CNKSR2: variants seen among roughly 807,000 people sequenced by gnomAD.
CNKSR2 encodes CNK homolog protein 2.
Under a neutral mutation model 84.4 loss-of-function variants are expected in CNKSR2, and 14 were observed. That is an observed-to-expected ratio of 0.17 (90% confidence interval 0.11 to 0.26). The LOEUF (loss-of-function observed/expected upper bound fraction) is 0.26, where lower values mean the gene tolerates loss of function less well. CNKSR2 is among the 10% of genes least tolerant of loss of function. CNKSR2 has a pLI of 1.00. For missense variants in CNKSR2, 485 were observed against 771.2 expected, an observed-to-expected ratio of 0.63 and a Z score of 4.40; for synonymous variants, 275 against 277.9, an observed-to-expected ratio of 0.99 and a Z score of 0.10.
At chrX:21,404,611 A>T (rs1485817065) in intron 1 of CNKSR2, among the ~76,000 whole-genome samples, 1 of 108,589 alleles carries the variant, frequency 9.2e-6, no homozygotes, top group Admixed American at 1.0e-4. Flanking sequence ...CAAAATGGTG[A>T]AACCCTGTCT....
intron 11 of CNKSR2, among the ~76,000 whole-genome samples, chrX:21,558,976 A>T (rs2092163715): frequency 9.0e-6 from 1 of 111,141 alleles, no homozygotes; most frequent in African/African-American, 3.3e-5. Flanking sequence ...CTAAAACCAG[A>T]TCCTAAAGAA....
intron 20 of CNKSR2, among the ~76,000 whole-genome samples, chrX:21,639,509 A>G (rs1028573337): frequency 7.1e-5 from 8 of 111,934 alleles, no homozygotes; most frequent in Admixed American, 5.7e-4. Flanking sequence ...AGTTCTAAAA[A>G]ATTTATTTAA....
At chrX:21,418,802 A>G (rs923007756) in intron 1 of CNKSR2, among the ~76,000 whole-genome samples, 2 of 111,341 alleles carry the variant, frequency 1.8e-5, no homozygotes, top group Non-Finnish European at 1.9e-5. Context: ...CAGTATGACA[A>G]TTGTGTTTTT....
At chrX:21,478,943 T>A (rs2091287344) in intron 5 of CNKSR2, among the ~76,000 whole-genome samples, 1 of 111,559 alleles carries the variant, frequency 9.0e-6, no homozygotes, top group South Asian at 3.8e-4. Context: ...AGGCACATAT[T>A]CAGTTTTGAT....
intron 19 of CNKSR2, among the ~76,000 whole-genome samples, chrX:21,607,639 A>G (rs2092525873): frequency 9.0e-6 from 1 of 110,860 alleles, no homozygotes; most frequent in East Asian, 2.8e-4. Context: ...CCCCATCTCT[A>G]CTAAAAATAC....
intron 8 of CNKSR2, chrX:21,503,364 T>C: frequency 6.8e-6 from 2 of 293,654 alleles, no homozygotes; most frequent in Non-Finnish European, 1.2e-5. Context: ...TCTGTTTACC[T>C]TTTTCTAATG....
intron 1 of CNKSR2, among the ~76,000 whole-genome samples, chrX:21,415,833 TACACACACACACACAC>T (rs559013925): frequency 3.4e-5 from 3 of 88,211 alleles, no homozygotes; most frequent in Non-Finnish European, 4.3e-5. Flanking sequence ...TATACATATA[TACACACACACACACAC>T]ACACACACAC....
chrX:21,377,721 G>A (rs2089839478), intron 1 of CNKSR2, among the ~76,000 whole-genome samples: 1 of 111,252 alleles, frequency 9.0e-6, no homozygotes, highest in African/African-American at 3.3e-5. Flanking sequence ...ATCGCTAAGT[G>A]TGTAAGAATA....
At position 21,615,963 on chromosome X, in the gene CNKSR2, C is replaced by T. The variant is rs1480818557; in HGVS notation, c.2692+6346C>T. Among the ~76,000 whole-genome samples, 4 of 111,930 alleles carry T rather than the reference C, an allele frequency of 3.6e-5. No homozygotes were observed. In the East Asian group the frequency reaches 1.1e-3, roughly 31 times the overall value. On this transcript the variant is annotated intron_variant, in intron 20 of 21. Coordinates refer to ENST00000379510, the MANE Select transcript of CNKSR2 (RefSeq NM_014927.5). Reference sequence around the variant, plus strand: ...TTCACATTCCTATCACTCACTACTCCTTTCCTTTTTGACTTTGGACATTTG... The same window carrying T: ...TTCACATTCCTATCACTCACTACTCTTTTCCTTTTTGACTTTGGACATTTG...
chrX:21,374,772 G>A lies in CNKSR2; in HGVS notation c.-126G>A, dbSNP rs185669637. The A allele has an allele frequency of 2.8e-3, 1,670 of 591,872 alleles. 18 individuals are homozygous for A. Among genetic ancestry groups the A allele is most frequent in the African/African-American group, 0.027 (1,232 of 44,826 alleles). The allele number at this position is 591,872 out of a possible 1,213,427, so 48.8% of individuals were successfully genotyped here. A position where few individuals can be genotyped will look rare whatever the true frequency, so the allele number is the denominator to read the frequency against. On this transcript the variant is annotated 5_prime_UTR_variant, in exon 1 of 22. Coordinates refer to ENST00000379510, the MANE Select transcript of CNKSR2 (RefSeq NM_014927.5). ...CCGCGAGACCCGACACACAAAAGCC[G>A]CTTTCTCCGCGCCGCCCGCCCAGGG...
Position 21,601,292 on chromosome X carries a change from A to G in CNKSR2, c.1987A>G (p.Arg663Gly). The G allele has an allele frequency of 8.6e-7, 1 of 1,163,138 alleles. No homozygotes were observed. The highest frequency in any genetic ancestry group is 1.2e-6 in the Non-Finnish European group (1 of 856,073). The change falls in exon 18 of 22, where the codon AGA (arginine) becomes GGA (glycine). Residue 663 changes from arginine to glycine, a missense_variant. Coordinates refer to ENST00000379510, the MANE Select transcript of CNKSR2 (RefSeq NM_014927.5). Reference protein sequence around the residue: ...HLDDMNRWLNRINMLTAGYAE... With the variant: ...HLDDMNRWLNGINMLTAGYAE... Reference sequence around the variant, plus strand: ...TATTTGTTTTCTCAGGTGGCTTAACAGAATTAATATGCTGACTGCAGGATA... The same window carrying G: ...TATTTGTTTTCTCAGGTGGCTTAACGGAATTAATATGCTGACTGCAGGATA...
rs1468526608 is a variant in CNKSR2 at position 21,375,903 on chromosome X, G to A, written c.64+942G>A. 2.7e-5 allele frequency among the ~76,000 whole-genome samples: 3 copies of A among 111,521 alleles called. No homozygotes were observed. In the East Asian group the frequency reaches 8.4e-4, roughly 31 times the overall value. On this transcript the variant is annotated intron_variant, in intron 1 of 21. Transcript: ENST00000379510. ...TGTTGTCTGAGTTAAGGGGCTTGTA[G>A]AGGACTCCCCCACCCACCAACCCCT...
chrX:21,500,257 A>T (rs2091545549), intron 7 of CNKSR2, among the ~76,000 whole-genome samples: 1 of 111,260 alleles, frequency 9.0e-6, no homozygotes, highest in East Asian at 2.8e-4. Context: ...TATGACAAAT[A>T]ATTTTATTGT....
intron 13 of CNKSR2, among the ~76,000 whole-genome samples, chrX:21,576,680 C>A (rs2092321020): frequency 9.0e-6 from 1 of 111,166 alleles, no homozygotes; most frequent in Admixed American, 9.6e-5. Flanking sequence ...ATCACTACAA[C>A]CCTCATAGAC....
At chrX:21,488,087 C>T (rs2091403929) in intron 5 of CNKSR2, among the ~76,000 whole-genome samples, 1 of 111,920 alleles carries the variant, frequency 8.9e-6, no homozygotes, top group Non-Finnish European at 1.9e-5. Context: ...GCATTGAGAC[C>T]TGAGCGTCAG....
At chrX:21,608,957 G>T in intron 19 of CNKSR2, 114 bp from the exon 20 acceptor site, 2 of 1,037,463 alleles carry the variant, frequency 1.9e-6, no homozygotes, top group South Asian at 5.9e-5. Flanking sequence ...TCATTAACAT[G>T]ACTACGTAAG....
chrX:21,584,795 G>C (rs937618283), intron 13 of CNKSR2, among the ~76,000 whole-genome samples: 4 of 111,437 alleles, frequency 3.6e-5, no homozygotes, highest in African/African-American at 1.3e-4. Context: ...GTAGGCAAAG[G>C]TAACAGGGGA....
At chrX:21,381,603 C>T (rs1026002599) in intron 1 of CNKSR2, among the ~76,000 whole-genome samples, 4 of 112,029 alleles carry the variant, frequency 3.6e-5, no homozygotes, top group African/African-American at 1.3e-4. Flanking sequence ...AATTTAATGA[C>T]TTCTCATTGT....
At chrX:21,575,879 C>A (rs984018660) in intron 13 of CNKSR2, among the ~76,000 whole-genome samples, 1 of 112,349 alleles carries the variant, frequency 8.9e-6, no homozygotes, top group African/African-American at 3.2e-5. Context: ...AGGTTCAATT[C>A]ACTAAGAAGA....
Sources: gnomAD v4.1 joint callset for allele counts (sites outside exome capture counted in the v4.1 genomes callset) on GRCh38, gnomAD v4.1.1 for gene constraint, MANE v1.5 for transcripts, NCBI Gene and HGNC (gene_info 2026-07-23, HGNC 2026-07-21) for gene names.